YIPF7: variants seen among roughly 807,000 people sequenced by gnomAD.
YIPF7 encodes protein YIPF7.
In YIPF7, 35 loss-of-function variants were observed where a neutral mutation model predicts 27.2. That is an observed-to-expected ratio of 1.29 (90% CI 0.98 to 1.70). The LOEUF is 1.70. Among genes scored for constraint, YIPF7 ranks in the 40% most tolerant of loss-of-function variants. The pLI, the probability that YIPF7 is intolerant of heterozygous loss-of-function variation, is 0.00. For missense variants in YIPF7, 358 were observed against 303.7 expected, an observed-to-expected ratio of 1.18 and a Z score of -1.33; for synonymous variants, 137 against 110.4, an observed-to-expected ratio of 1.24 and a Z score of -1.51.
At chr4:44,656,574 A>G (rs1278853209), upstream of YIPF7, among the ~76,000 whole-genome samples, 1 of 152,106 alleles carries the variant, frequency 6.6e-6, no homozygotes, top group Non-Finnish European at 1.5e-5. Context: ...GGCAAGTAGT[A>G]AATTGTCAAT....
intron 2 of YIPF7, among the ~76,000 whole-genome samples, chr4:44,656,822 C>T (rs1237646685): frequency 6.6e-6 from 1 of 152,046 alleles, no homozygotes; most frequent in African/African-American, 2.4e-5. Context: ...CCTTAGCATT[C>T]ATGTCTTATT....
intron 2 of YIPF7, among the ~76,000 whole-genome samples, chr4:44,643,980 C>T (rs931193349): frequency 6.6e-6 from 1 of 152,090 alleles, no homozygotes; most frequent in Middle Eastern, 3.2e-3. Flanking sequence ...TTGAAGCCCC[C>T]ACACAGAGTC....
At chr4:44,636,357 CTA>C (rs1375281371) in intron 2 of YIPF7, among the ~76,000 whole-genome samples, 8 of 152,124 alleles carry the variant, frequency 5.3e-5, no homozygotes, top group African/African-American at 1.9e-4. Flanking sequence ...AGTTAAAACT[CTA>C]TAAGGTAAAA....
rs995397238 is a variant in YIPF7 at position 44,637,187 on chromosome 4, G to A, written c.117-1102C>T. On this transcript the variant is annotated intron_variant, in intron 2 of 5. Transcript: ENST00000415895. ...GTTAATTTCATATCTTTGCTATTGT[G>A]AGTAGTGCTTCAATAAACATATGAG... Among the ~76,000 whole-genome samples the A allele has an allele frequency of 1.2e-4, 18 of 152,216 alleles. No individual in the cohort carries two copies. In the South Asian group the frequency reaches 3.5e-3, roughly 30 times the overall value.
intron 2 of YIPF7, among the ~76,000 whole-genome samples, chr4:44,659,888 T>A (rs7662490): frequency 1.3e-5 from 2 of 151,414 alleles, no homozygotes; most frequent in Non-Finnish European, 2.9e-5. Flanking sequence ...CCAAGGCAGG[T>A]GGATCACAAG....
chr4:44,638,157 GC>G (rs34148373), intron 2 of YIPF7, among the ~76,000 whole-genome samples: 13,623 of 150,620 alleles, frequency 0.09, 668 homozygotes, highest in Admixed American at 0.14. Flanking sequence ...CTTACTCCTT[GC>G]CCACTTTTCA....
At chr4:44,626,222 GT>G (rs151299288) in intron 4 of YIPF7, among the ~76,000 whole-genome samples, 2,079 of 152,234 alleles carry the variant, frequency 0.014, 22 homozygotes, top group Middle Eastern at 0.031. Flanking sequence ...GATACCTTCT[GT>G]ATGCTTGTGA....
intron 1 of YIPF7, among the ~76,000 whole-genome samples, chr4:44,662,185 T>C (rs1386007199): frequency 6.6e-6 from 1 of 152,188 alleles, no homozygotes; most frequent in African/African-American, 2.4e-5. Flanking sequence ...ATATATACTG[T>C]TTCTTCCTAT....
chr4:44,641,528 G>A (rs1036342464), intron 2 of YIPF7, among the ~76,000 whole-genome samples: 1 of 152,074 alleles, frequency 6.6e-6, no homozygotes, highest in African/African-American at 2.4e-5. Context: ...AAAGCCCTTG[G>A]GGTAAACTGA....
At chr4:44,658,700 A>G (rs1560332428) in intron 2 of YIPF7, among the ~76,000 whole-genome samples, 1 of 152,316 alleles carries the variant, frequency 6.6e-6, no homozygotes, top group Non-Finnish European at 1.5e-5. Flanking sequence ...CATACCCGAG[A>G]CTGGGTAATT....
In YIPF7 at chr4:44,636,048, CA is replaced by C. The variant is rs756341276; in HGVS notation, c.153del (p.Phe51LeufsTer42). 7 of 1,613,088 alleles carry C rather than the reference CA, an allele frequency of 4.3e-6. No individual in the cohort carries two copies. The Admixed American group carries it at 1.2e-4, about 27-fold the overall frequency. The part of the protein sequence containing the change: ...QAGEQPQPAS[F>X]VPSEMLMSSG... Reference sequence around the variant, plus strand: ...GATGACATGAGCATCTCTGATGGAACAAAGGAGGCAGGCTGAGGCTGCTCAC... The same window carrying C: ...GATGACATGAGCATCTCTGATGGAACAAGGAGGCAGGCTGAGGCTGCTCAC... On this transcript the variant is annotated frameshift_variant, in exon 3 of 6. Transcript: ENST00000415895. LOFTEE classifies it high-confidence loss of function.
At chr4:44,637,433 C>A (rs185509213) in intron 2 of YIPF7, among the ~76,000 whole-genome samples, 345 of 152,218 alleles carry the variant, frequency 2.3e-3, no homozygotes, top group Non-Finnish European at 3.9e-3. Flanking sequence ...TTAATAAGAG[C>A]CATTCTGACT....
At chr4:44,660,716 TGG>T (rs1714025113) in intron 1 of YIPF7, 1 of 103,234 alleles carries the variant, frequency 9.7e-6, no homozygotes, top group Non-Finnish European at 2.5e-5. Context: ...ATTTGGTGAA[TGG>T]AATTGGTTTT....
At chr4:44,649,182 G>A (rs1020089009) in intron 2 of YIPF7, among the ~76,000 whole-genome samples, 4 of 152,082 alleles carry the variant, frequency 2.6e-5, no homozygotes, top group Admixed American at 2.6e-4. Flanking sequence ...AATGAAATCT[G>A]GTTCTCAAGA....
chr4:44,649,952 A>C (rs1432631997), intron 2 of YIPF7, 33 bp downstream of exon 2: 1 of 288,908 alleles, frequency 3.5e-6, no homozygotes, highest in Non-Finnish European at 5.2e-6. Context: ...AGACTCTGTC[A>C]AAAAAAAAAA....
intron 2 of YIPF7, among the ~76,000 whole-genome samples, chr4:44,638,579 T>C (rs553034308): frequency 1.7e-4 from 26 of 152,330 alleles, no homozygotes; most frequent in Admixed American, 1.7e-3. Context: ...ATTCAGTTCC[T>C]TGTATATCTG....
chr4:44,630,731 GCTTCT>G (rs1254745487), intron 3 of YIPF7, among the ~76,000 whole-genome samples: 1 of 152,074 alleles, frequency 6.6e-6, no homozygotes, highest in Non-Finnish European at 1.5e-5. Flanking sequence ...GCTAGAATCT[GCTTCT>G]CTTATTACTA....
intron 2 of YIPF7, among the ~76,000 whole-genome samples, chr4:44,649,733 G>A (rs368702228): frequency 5.3e-5 from 8 of 152,086 alleles, no homozygotes; most frequent in East Asian, 1.9e-4. Context: ...AGCCAAGATT[G>A]CACCACTGCA....
chr4:44,644,840 G>A (rs1394671109), intron 2 of YIPF7, among the ~76,000 whole-genome samples: 1 of 152,150 alleles, frequency 6.6e-6, no homozygotes, highest in Non-Finnish European at 1.5e-5. Context: ...AGAGGGAGGT[G>A]ATTGGATCAT....
Sources: gnomAD v4.1 joint callset for allele counts (sites outside exome capture counted in the v4.1 genomes callset) on GRCh38, gnomAD v4.1.1 for gene constraint, MANE v1.5 for transcripts, NCBI Gene and HGNC (gene_info 2026-07-23, HGNC 2026-07-21) for gene names.